The following EDEM1 variants were observed in gnomAD, a reference collection of about 807,000 sequenced individuals.
EDEM1 encodes ER degradation enhancing alpha-mannosidase like protein 1.
A neutral mutation model predicts 74.4 loss-of-function variants in EDEM1; 67 were observed. The ratio of observed to expected loss-of-function variants is 0.90; its 90% confidence interval spans 0.74 to 1.10. The LOEUF is 1.10. EDEM1 is among the 50% of genes least tolerant of loss of function. The pLI is 0.00. For missense variants in EDEM1, 926 were observed against 851.6 expected (o/e 1.09, Z -1.09); for synonymous variants, 382 against 335.9 (o/e 1.14, Z -1.50).
chr3:5,210,058 T>A, intron 8 of EDEM1, 117 bp from the exon 9 acceptor site: 1 of 845,662 alleles, frequency 1.2e-6, no homozygotes, highest in East Asian at 2.5e-5. Flanking sequence ...CTGGGCCCTG[T>A]TTCTTCCTTT....
chr3:5,194,216 A>T (rs1008521729), intron 1 of EDEM1, among the ~76,000 whole-genome samples: 1 of 152,204 alleles, frequency 6.6e-6, no homozygotes, highest in Non-Finnish European at 1.5e-5. Context: ...ATAAAACTGG[A>T]GCTTTTTTGC....
intron 8 of EDEM1, among the ~76,000 whole-genome samples, 186 bp downstream of exon 8, chr3:5,208,449 G>A (rs1192444535): frequency 2.0e-5 from 3 of 152,116 alleles, no homozygotes; most frequent in South Asian, 2.1e-4. Context: ...GACAGAGAAG[G>A]CATCTGCAGT....
intron 3 of EDEM1, among the ~76,000 whole-genome samples, chr3:5,201,445 C>T (rs1331852685): frequency 1.3e-5 from 2 of 152,212 alleles, no homozygotes; most frequent in African/African-American, 4.8e-5. Context: ...CCACCGCACC[C>T]AGCCAACTCC....
In EDEM1 at chr3:5,203,079, A is replaced by G; in HGVS notation, c.972A>G (p.Thr324=). The change falls in exon 5 of 12, where the codon ACA becomes ACG. Residue 324 remains threonine (T), a synonymous_variant. Coordinates refer to ENST00000256497, the MANE Select transcript of EDEM1 (RefSeq NM_014674.3). ...TGAGTCGACTCCTGGGGGACTCCAC[A>G]TTTGAGTGGGTGGCCAGACGAGCAG... ...GILSRLLGDS[T]FEWVARRAVK... The G allele has an allele frequency of 1.2e-6, 2 of 1,612,888 alleles. No individual in the cohort carries two copies. The highest frequency in any genetic ancestry group is 1.7e-6 in the Non-Finnish European group (2 of 1,179,556).
At chr3:5,211,685 T>TA (rs1039496567) in intron 10 of EDEM1, among the ~76,000 whole-genome samples, 4 of 151,926 alleles carry the variant, frequency 2.6e-5, no homozygotes, top group Admixed American at 6.6e-5. Context: ...TGTGTGTGTG[T>TA]GTGTAGAGAG....
In EDEM1 at chr3:5,213,490, C is replaced by T. The variant is rs2055193145; in HGVS notation, c.1852C>T (p.His618Tyr). The T allele has an allele frequency of 1.9e-6, 3 of 1,613,342 alleles. No homozygotes were observed. Among genetic ancestry groups the T allele is most frequent in the Non-Finnish European group, 2.5e-6 (3 of 1,179,576 alleles). The part of the protein sequence containing the change: ...GGKSVHRPKP[H>Y]ELKVINSSSN... ...AAAGTCTGTGCACAGGCCGAAACCT[C>T]ATGAGTTAAAAGTCATCAACTCCAG... is the stretch of plus-strand genomic sequence containing the variant. Residue 618 changes from histidine (H) to tyrosine (Y), a missense_variant, in exon 11 of 12, where the codon CAT (histidine) becomes TAT (tyrosine). Transcript: ENST00000256497.
rs1433425666 is a variant in EDEM1, at chr3:5,214,616, T to C, written c.1884+1094T>C. Among the ~76,000 whole-genome samples, 7 of 152,192 alleles carry C rather than the reference T, an allele frequency of 4.6e-5. No individual in the cohort carries two copies. The East Asian group carries it at 9.6e-4, about 21-fold the overall frequency. On this transcript the variant is annotated intron_variant, in intron 11 of 11. Transcript: ENST00000256497. ...CACCATTCTAAACGCTTACGTACAT[T>C]AATCTGTTTACTTCTAACAACAGCC...
chr3:5,188,359 T>A, intron 1 of EDEM1, 45 bp downstream of exon 1: 1 of 1,368,852 alleles, frequency 7.3e-7, no homozygotes. Flanking sequence ...ACGCGCTTCC[T>A]TCCGCCCTCC....
chr3:5,211,343 G>A, intron 10 of EDEM1, 127 bp downstream of exon 10: 1 of 894,558 alleles, frequency 1.1e-6, no homozygotes. Context: ...TTCCCAGGAT[G>A]CAAACGCTGT....
chr3:5,210,025 T>A (rs2055149274), intron 8 of EDEM1, 150 bp from the exon 9 acceptor site: 4 of 664,452 alleles, frequency 6.0e-6, no homozygotes, highest in South Asian at 5.5e-5. Flanking sequence ...CTCTAACCAT[T>A]GTGACCCTGC....
chr3:5,194,604 A>G (rs2054940322), intron 1 of EDEM1, among the ~76,000 whole-genome samples: 3 of 152,224 alleles, frequency 2.0e-5, no homozygotes, highest in Admixed American at 2.0e-4. Flanking sequence ...AAAGGCCTCA[A>G]TTCCTGCCTA....
intron 9 of EDEM1, among the ~76,000 whole-genome samples, 165 bp from the exon 10 acceptor site, chr3:5,210,955 A>G (rs144156565): frequency 6.7e-4 from 102 of 152,368 alleles, no homozygotes; most frequent in Non-Finnish European, 1.0e-3. Context: ...GTAAATTTGC[A>G]AACAACCCAG....
At chr3:5,199,520 T>C (rs2055008842) in intron 2 of EDEM1, 72 bp from the exon 3 acceptor site, 2 of 1,100,612 alleles carry the variant, frequency 1.8e-6, no homozygotes, top group Middle Eastern at 2.0e-4. Context: ...GTGACGTGAC[T>C]GGGCTGCTGT....
At chr3:5,190,539 G>C (rs2054888937) in intron 1 of EDEM1, among the ~76,000 whole-genome samples, 1 of 152,220 alleles carries the variant, frequency 6.6e-6, no homozygotes, top group Admixed American at 6.5e-5. Context: ...CATGTGTGCT[G>C]TTGGCCTTTA....
chr3:5,208,738 T>G (rs2055129931), intron 8 of EDEM1, among the ~76,000 whole-genome samples: 2 of 151,166 alleles, frequency 1.3e-5, no homozygotes, highest in African/African-American at 2.5e-5. Context: ...GTTTAATGTT[T>G]GTGTTTGTGT....
In EDEM1 at chr3:5,210,174, G is replaced by C; in HGVS notation, c.1510-1G>C. ...ATCACATTCTCTCGTGTTCTCTCTA[G>C]GCAACCAAGAATCCCTTCTACCTCC... On this transcript the variant is annotated splice_acceptor_variant, in intron 8 of 11. Coordinates refer to ENST00000256497, the MANE Select transcript of EDEM1 (RefSeq NM_014674.3). LOFTEE classifies it high-confidence loss of function. 6.2e-7 allele frequency: 1 copy of C among 1,613,974 alleles called. No homozygotes were observed. Among genetic ancestry groups the C allele is most frequent in the Non-Finnish European group, 8.5e-7 (1 of 1,179,868 alleles).
intron 8 of EDEM1, among the ~76,000 whole-genome samples, chr3:5,208,465 A>G (rs1305526316): frequency 2.0e-5 from 3 of 152,156 alleles, no homozygotes; most frequent in Non-Finnish European, 4.4e-5. Context: ...GCAGTCAAAT[A>G]TGTTTTTAAC....
In EDEM1 at chr3:5,215,847, G is replaced by A. The variant is rs752869041; in HGVS notation, c.1903G>A (p.Glu635Lys). 8 of 1,613,030 alleles carry A rather than the reference G, an allele frequency of 5.0e-6. 1 individual carries two copies. The South Asian group carries it at 8.8e-5, about 18-fold the overall frequency. The change falls in exon 12 of 12, where the codon GAG becomes AAG. Residue 635 changes from glutamate to lysine, a missense_variant. Transcript: ENST00000256497. ...SSSNCNRVPD[E>K]RRYSLPLKSI... The stretch of plus-strand genomic sequence containing the variant: ...TTTCTAGTGCAATCGTGTACCTGAT[G>A]AGAGGAGGTACTCCCTGCCCTTAAA...
At chr3:5,194,841 CTCT>C (rs2054944155) in intron 1 of EDEM1, among the ~76,000 whole-genome samples, 1 of 152,152 alleles carries the variant, frequency 6.6e-6, no homozygotes, top group East Asian at 1.9e-4. Flanking sequence ...ATGACAAGGG[CTCT>C]TCTTTAGTTC....
Sources: allele counts gnomAD v4.1 joint callset (sites outside exome capture counted in the v4.1 genomes callset), GRCh38; gene constraint gnomAD v4.1.1; transcripts MANE v1.5; gene names NCBI Gene and HGNC (gene_info 2026-07-23, HGNC 2026-07-21).